PRSS12: variants seen among roughly 807,000 people sequenced by gnomAD.
The protein encoded by PRSS12 is serine protease 12, also known as neurotrypsin.
PRSS12 carries 85 observed loss-of-function variants against 104.4 expected under a neutral mutation model. The ratio of observed to expected loss-of-function variants is 0.81; its 90% CI spans 0.68 to 0.98. PRSS12 has a LOEUF of 0.98. Among genes scored for constraint, PRSS12 ranks in the 50% least tolerant of loss-of-function variants. The pLI is 0.00. For synonymous variants in PRSS12, 454 were observed against 425.2 expected, an observed-to-expected ratio of 1.07 and a Z score of -0.83; for missense variants, 1,141 against 1,139.2, an observed-to-expected ratio of 1.00 and a Z score of -0.02.
chr4:118,319,023 A>G (rs1426797337), intron 4 of PRSS12, among the ~76,000 whole-genome samples: 1 of 152,132 alleles, frequency 6.6e-6, no homozygotes, highest in Non-Finnish European at 1.5e-5. Context: ...ATCCCCAAAT[A>G]AAATTGTGCT....
At chr4:118,343,805 C>G (rs749504556) in intron 1 of PRSS12, among the ~76,000 whole-genome samples, 3 of 152,116 alleles carry the variant, frequency 2.0e-5, no homozygotes, top group Non-Finnish European at 4.4e-5. Context: ...TTAAAATGTA[C>G]TTATAAAATA....
At chr4:118,295,596 A>G (rs977945977) in intron 10 of PRSS12, among the ~76,000 whole-genome samples, 182 bp downstream of exon 10, 1 of 152,256 alleles carries the variant, frequency 6.6e-6, no homozygotes, top group Non-Finnish European at 1.5e-5. Flanking sequence ...TGGTATAAGA[A>G]CATGGTGTAT....
chr4:118,283,164 T>C, intron 11 of PRSS12, 53 bp from the exon 12 acceptor site: 1 of 1,592,058 alleles, frequency 6.3e-7, no homozygotes, highest in Non-Finnish European at 8.6e-7. Context: ...TGAAAATTAT[T>C]GTCAAGAAGG....
chr4:118,330,443 A>G (rs555331871), intron 4 of PRSS12, among the ~76,000 whole-genome samples: 3 of 152,264 alleles, frequency 2.0e-5, no homozygotes, highest in African/African-American at 7.2e-5. Context: ...AAGATGGGAC[A>G]GTCTCCAAAA....
chr4:118,323,927 T>C (rs1484979823), intron 4 of PRSS12, among the ~76,000 whole-genome samples: 1 of 151,980 alleles, frequency 6.6e-6, no homozygotes, highest in Non-Finnish European at 1.5e-5. Context: ...AAAGACAGCA[T>C]CTGGTTCTGT....
intron 3 of PRSS12, among the ~76,000 whole-genome samples, chr4:118,333,124 A>G (rs1723970171): frequency 6.6e-6 from 1 of 152,208 alleles, no homozygotes; most frequent in South Asian, 2.1e-4. Flanking sequence ...AAGCATGTTC[A>G]GGCCACTTGA....
rs77931995 is a variant in PRSS12 at position 118,338,075 on chromosome 4, C to T, written c.641+101G>A. On this transcript the variant is annotated intron_variant, in intron 2 of 12. Coordinates refer to ENST00000296498, the MANE Select transcript of PRSS12 (RefSeq NM_003619.4). ...TGAAAAGTGAGAATGAGGAAAGTGACAGTAAGAAACAAAGATACAAGCTTT... is the reference window on the plus strand; with the variant it reads ...TGAAAAGTGAGAATGAGGAAAGTGATAGTAAGAAACAAAGATACAAGCTTT... 2.3e-3 allele frequency: 3,298 copies of T among 1,453,734 alleles called. 145 individuals are homozygous for T. The East Asian group carries it at 0.065, about 28-fold the overall frequency. The allele number at this position is 1,453,734 out of a possible 1,614,324, so 90.1% of individuals were successfully genotyped here.
intron 1 of PRSS12, among the ~76,000 whole-genome samples, chr4:118,343,773 T>A (rs910039649): frequency 1.3e-5 from 2 of 152,188 alleles, no homozygotes; most frequent in Admixed American, 1.3e-4. Context: ...AATGCATGCC[T>A]GCCTATTTAG....
In PRSS12 at chr4:118,281,368, A is replaced by C. The variant is rs1031528956; in HGVS notation, c.*568T>G. 6.3e-6 allele frequency: 1 copy of C among 158,866 alleles called. No homozygotes were observed. Among genetic ancestry groups the C allele is most frequent in the Non-Finnish European group, 1.4e-5 (1 of 71,464 alleles). The allele number at this position is 158,866 out of a possible 1,614,324, so 9.8% of individuals were successfully genotyped here. On this transcript the variant is annotated 3_prime_UTR_variant, in exon 13 of 13. Coordinates refer to ENST00000296498, the MANE Select transcript of PRSS12 (RefSeq NM_003619.4). Reference sequence around the variant, plus strand: ...GATCACTTTGAGAATATATTGTGACAGGCAGATGTCCTTGAGGCTTTACTA... The same window carrying C: ...GATCACTTTGAGAATATATTGTGACCGGCAGATGTCCTTGAGGCTTTACTA...
chr4:118,296,082 G>A (rs1219544052), intron 9 of PRSS12, among the ~76,000 whole-genome samples: 1 of 152,202 alleles, frequency 6.6e-6, no homozygotes, highest in East Asian at 1.9e-4. Context: ...CCTCTGAGGG[G>A]TTCATGGGCT....
intron 1 of PRSS12, among the ~76,000 whole-genome samples, chr4:118,338,519 G>A (rs752216175): frequency 2.6e-5 from 4 of 152,028 alleles, no homozygotes; most frequent in Admixed American, 6.5e-5. Flanking sequence ...ACATCCTGAC[G>A]TCAATGCTAA....
At chr4:118,314,429 C>G (rs788650) in intron 6 of PRSS12, among the ~76,000 whole-genome samples, 133,959 of 152,096 alleles carry the variant, frequency 0.88, 59,770 homozygotes, top group South Asian at 0.95. Context: ...GACTAATCAA[C>G]CCTTGGCTAG....
chr4:118,331,998 C>CAT, intron 3 of PRSS12, 132 bp from the exon 4 acceptor site: 10 of 1,117,096 alleles, frequency 9.0e-6, no homozygotes, highest in Non-Finnish European at 1.3e-5. Context: ...GTGATATGGA[C>CAT]ATACGTATAT....
intron 1 of PRSS12, among the ~76,000 whole-genome samples, chr4:118,344,700 G>A: frequency 6.6e-6 from 1 of 152,112 alleles, no homozygotes; most frequent in East Asian, 1.9e-4. Context: ...AAATGAGAGT[G>A]CATCCCCTAA....
intron 11 of PRSS12, 69 bp downstream of exon 11, chr4:118,294,870 A>G: frequency 1.3e-6 from 2 of 1,598,378 alleles, no homozygotes; most frequent in Non-Finnish European, 1.7e-6. Context: ...AGTGCTGTAG[A>G]GCATGAGGGG....
chr4:118,329,887 C>T (rs1296102801), intron 4 of PRSS12, among the ~76,000 whole-genome samples: 1 of 152,140 alleles, frequency 6.6e-6, no homozygotes, highest in Non-Finnish European at 1.5e-5. Context: ...ATATGCTATG[C>T]TGACTCCAAC....
In PRSS12 at chr4:118,294,858, T is replaced by G. The variant is rs1398414151; in HGVS notation, c.2039+81A>C. 1.9e-6 allele frequency: 3 copies of G among 1,579,416 alleles called. No homozygotes were observed. The Admixed American group carries it at 5.0e-5, about 26-fold the overall frequency. Reference sequence around the variant, plus strand: ...AGCTCATAGCCTGGCTCTGACACCTTGAGTGCTGTAGAGCATGAGGGGATT... The same window carrying G: ...AGCTCATAGCCTGGCTCTGACACCTGGAGTGCTGTAGAGCATGAGGGGATT... On this transcript the variant is annotated intron_variant, in intron 11 of 12. Coordinates refer to ENST00000296498, the MANE Select transcript of PRSS12 (RefSeq NM_003619.4).
chr4:118,329,999 C>T (rs148288255), intron 4 of PRSS12, among the ~76,000 whole-genome samples: 2 of 152,212 alleles, frequency 1.3e-5, no homozygotes, highest in East Asian at 3.9e-4. Context: ...TTAGTTTTTT[C>T]AAAAGAAACC....
chr4:118,287,230 T>C (rs1743034945), intron 11 of PRSS12, among the ~76,000 whole-genome samples: 1 of 152,112 alleles, frequency 6.6e-6, no homozygotes. Context: ...CTGCGAGCCT[T>C]GATCTCCTAG....
Sources: gnomAD v4.1 joint callset for allele counts (sites outside exome capture counted in the v4.1 genomes callset) on GRCh38, gnomAD v4.1.1 for gene constraint, MANE v1.5 for transcripts, NCBI Gene and HGNC (gene_info 2026-07-23, HGNC 2026-07-21) for gene names.